DLGAP2: variants seen among roughly 807,000 people sequenced by gnomAD.
DLGAP2 encodes DLG associated protein 2, also known as disks large-associated protein 2.
Under a neutral mutation model 100.3 loss-of-function variants are expected in DLGAP2, and 26 were observed. That is an observed-to-expected ratio of 0.26 (90% CI 0.19 to 0.36). The LOEUF (loss-of-function observed/expected upper bound fraction) is 0.36. Among genes scored for constraint, DLGAP2 ranks in the 10% least tolerant of loss-of-function variants. The pLI is 1.00. For missense variants in DLGAP2, 1,858 were observed against 1,453.2 expected, an observed-to-expected ratio of 1.28 and a Z score of -4.53; for synonymous variants, 886 against 630.1, an observed-to-expected ratio of 1.41 and a Z score of -6.08.
At chr8:1,663,895 T>C (rs1225698800) in intron 8 of DLGAP2, among the ~76,000 whole-genome samples, 1 of 152,306 alleles carries the variant, frequency 6.6e-6, no homozygotes, top group East Asian at 1.9e-4. Flanking sequence ...GAAAACTCCA[T>C]GACGCTTGTA....
chr8:1,121,323 A>C (rs1796041477), intron 2 of DLGAP2, among the ~76,000 whole-genome samples: 1 of 151,540 alleles, frequency 6.6e-6, no homozygotes, highest in African/African-American at 2.4e-5. Flanking sequence ...TCGTCCCTTC[A>C]GAACCCATGA....
chr8:1,488,044 G>C (rs1171150111), intron 3 of DLGAP2, among the ~76,000 whole-genome samples: 1 of 152,088 alleles, frequency 6.6e-6, no homozygotes, highest in Non-Finnish European at 1.5e-5. Context: ...TCTTCGTTGA[G>C]GAGGGCAGAG....
intron 4 of DLGAP2, among the ~76,000 whole-genome samples, chr8:1,538,716 T>C (rs899399603): frequency 6.6e-6 from 1 of 152,060 alleles, no homozygotes; most frequent in Non-Finnish European, 1.5e-5. Context: ...CCAACCTCTC[T>C]TATCAGAGGC....
Position 1,024,480 on chromosome 8 carries a change from C to T in DLGAP2, c.73+116514C>T, listed in dbSNP as rs375895543. 3.9e-5 allele frequency among the ~76,000 whole-genome samples: 6 copies of T among 152,258 alleles called. 1 individual carries two copies. The highest frequency in any genetic ancestry group is 2.1e-4 in the South Asian group (1 of 4,824). On this transcript the variant is annotated intron_variant, in intron 2 of 14. Transcript: ENST00000637795. ...GTGGACAGTCCCGTGCCGAAGGAGACGCTCCAACCACCACCCATGCCAAGG... is the reference window on the plus strand; with the variant it reads ...GTGGACAGTCCCGTGCCGAAGGAGATGCTCCAACCACCACCCATGCCAAGG...
At chr8:1,552,025 G>A in intron 5 of DLGAP2, among the ~76,000 whole-genome samples, 1 of 152,048 alleles carries the variant, frequency 6.6e-6, no homozygotes, top group African/African-American at 2.4e-5. Context: ...GAACCAGCTG[G>A]TTGGTCTGAT....
chr8:1,255,005 G>GC (rs1799150922), intron 2 of DLGAP2, among the ~76,000 whole-genome samples: 1 of 99,458 alleles, frequency 1.0e-5, no homozygotes, highest in African/African-American at 5.2e-5. Flanking sequence ...CTCTCATCCT[G>GC]CTTGGGCGCT....
At chr8:983,115 G>A (rs570981013) in intron 2 of DLGAP2, among the ~76,000 whole-genome samples, 1 of 152,306 alleles carries the variant, frequency 6.6e-6, no homozygotes, top group Admixed American at 6.5e-5. Context: ...GGACTAGCCG[G>A]CCTTGGTCCA....
At chr8:1,520,785 G>C (rs1441507934) in intron 4 of DLGAP2, among the ~76,000 whole-genome samples, 1 of 152,194 alleles carries the variant, frequency 6.6e-6, no homozygotes, top group East Asian at 1.9e-4. Context: ...CATCTTCCAA[G>C]TTTGGGCAAT....
At chr8:759,757 A>G (rs1464874319) in intron 1 of DLGAP2, among the ~76,000 whole-genome samples, 1 of 152,198 alleles carries the variant, frequency 6.6e-6, no homozygotes, top group African/African-American at 2.4e-5. Context: ...TACTCTAGAC[A>G]TTAAGTATTT....
intron 3 of DLGAP2, among the ~76,000 whole-genome samples, chr8:1,440,758 G>A (rs1240638900): frequency 6.6e-6 from 1 of 152,148 alleles, no homozygotes; most frequent in East Asian, 1.9e-4. Context: ...GCAAGCGCTC[G>A]TGGCAGATGA....
chr8:1,130,700 C>A (rs911877514), intron 2 of DLGAP2, among the ~76,000 whole-genome samples: 3 of 152,248 alleles, frequency 2.0e-5, no homozygotes, highest in African/African-American at 4.8e-5. Context: ...CCAGCCTCTT[C>A]CTCCCAGGCA....
intron 6 of DLGAP2, among the ~76,000 whole-genome samples, chr8:1,624,924 G>A (rs1188305777): frequency 6.6e-6 from 1 of 151,614 alleles, no homozygotes; most frequent in South Asian, 2.1e-4. Context: ...GGGAAGGTAG[G>A]TAGGAGCTGC....
chr8:1,046,377 C>G (rs1307833337), intron 2 of DLGAP2, among the ~76,000 whole-genome samples: 2 of 152,292 alleles, frequency 1.3e-5, no homozygotes, highest in Admixed American at 6.5e-5. Flanking sequence ...TTTGCTTGTA[C>G]TTCATGATCT....
At chr8:974,565 G>A (rs555968572) in intron 2 of DLGAP2, among the ~76,000 whole-genome samples, 1 of 152,266 alleles carries the variant, frequency 6.6e-6, no homozygotes, top group African/African-American at 2.4e-5. Flanking sequence ...GACCATAGTG[G>A]AATTAAACTA....
At chr8:966,330 G>A (rs990762625) in intron 2 of DLGAP2, among the ~76,000 whole-genome samples, 4 of 152,088 alleles carry the variant, frequency 2.6e-5, no homozygotes, top group East Asian at 1.9e-4. Flanking sequence ...AAGAGAAAAC[G>A]GATGACATGT....
intron 3 of DLGAP2, among the ~76,000 whole-genome samples, chr8:1,426,625 C>T (rs1354141263): frequency 6.6e-6 from 1 of 152,138 alleles, no homozygotes; most frequent in Non-Finnish European, 1.5e-5. Flanking sequence ...AACTCAAGAC[C>T]ATGCATGACT....
chr8:844,734 T>A (rs1797043272), intron 1 of DLGAP2, among the ~76,000 whole-genome samples: 2 of 152,232 alleles, frequency 1.3e-5, no homozygotes, highest in African/African-American at 4.8e-5. Context: ...TACTTATCTG[T>A]AACTCATATA....
intron 3 of DLGAP2, among the ~76,000 whole-genome samples, chr8:1,482,667 G>A (rs1429079756): frequency 6.6e-6 from 1 of 152,200 alleles, no homozygotes; most frequent in Non-Finnish European, 1.5e-5. Flanking sequence ...GAGTCCCTGC[G>A]CGGTGGTTCC....
rs149589131 is a variant in DLGAP2 at position 1,312,396 on chromosome 8, C to G, written c.106+53513C>G. On this transcript the variant is annotated intron_variant, in intron 3 of 14. Transcript: ENST00000637795. Reference sequence around the variant, plus strand: ...AAAGACAGTTAAGAGAATGAAATGACAGACCACAGATTTGACAACATCTTT... The same window carrying G: ...AAAGACAGTTAAGAGAATGAAATGAGAGACCACAGATTTGACAACATCTTT... Among the ~76,000 whole-genome samples, 1,120 of 152,296 alleles carry G rather than the reference C, an allele frequency of 7.4e-3. 7 individuals carry two copies. The highest frequency in any genetic ancestry group is 0.011 in the Non-Finnish European group (735 of 68,034).
Sources: allele counts gnomAD v4.1 joint callset (sites outside exome capture counted in the v4.1 genomes callset), GRCh38; gene constraint gnomAD v4.1.1; transcripts MANE v1.5; gene names NCBI Gene and HGNC (gene_info 2026-07-23, HGNC 2026-07-21).